CCDC178: variants seen among roughly 807,000 people sequenced by gnomAD.
CCDC178 encodes coiled-coil domain containing 178, also known as coiled-coil domain-containing protein 178.
A neutral mutation model predicts 117.4 loss-of-function variants in CCDC178; 126 were observed. The observed-to-expected ratio is 1.07, with a 90% CI of 0.93 to 1.24. The LOEUF is 1.24. Among genes scored for constraint, CCDC178 ranks in the 50% most tolerant of loss-of-function variants. The pLI is 0.00. For synonymous variants in CCDC178, 283 were observed against 313.4 expected, an observed-to-expected ratio of 0.90 and a Z score of 1.02; for missense variants, 1,030 against 986.9, an observed-to-expected ratio of 1.04 and a Z score of -0.59.
At position 33,052,881 on chromosome 18, in the gene CCDC178, T is replaced by C. The variant is rs116799388; in HGVS notation, c.2388+39880A>G. 3.9e-3 allele frequency among the ~76,000 whole-genome samples: 591 copies of C among 152,298 alleles called. 6 individuals are homozygous for C. Among genetic ancestry groups the C allele is most frequent in the African/African-American group, 0.013 (547 of 41,564 alleles). On this transcript the variant is annotated intron_variant, in intron 21 of 22. Coordinates refer to ENST00000383096, the MANE Select transcript of CCDC178 (RefSeq NM_001105528.4). ...GCTGATAAGTTTGAAATTCCTGATA[T>C]TGGTAAGTCATTTCTTCATCTTCAG...
rs1190638875 is a variant in CCDC178, at chr18:33,139,330, G to C, written c.2239-46420C>G. Among the ~76,000 whole-genome samples the C allele has an allele frequency of 2.0e-5, 3 of 152,344 alleles. No individual in the cohort carries two copies. The East Asian group carries it at 5.8e-4, about 29-fold the overall frequency. ...CTGAAAAGATACCCAAAATGTGGCA[G>C]CGACTTTGGAACTGGGTAACAGGCT... On this transcript the variant is annotated intron_variant, in intron 20 of 22. Transcript: ENST00000383096.
At chr18:33,335,733 C>T (rs572772524) in intron 9 of CCDC178, among the ~76,000 whole-genome samples, 11 of 151,934 alleles carry the variant, frequency 7.2e-5, no homozygotes, top group Admixed American at 2.0e-4. Context: ...CTTGTCCTTG[C>T]TTTTATTTTT....
intron 21 of CCDC178, among the ~76,000 whole-genome samples, chr18:32,998,491 A>T (rs2055564380): frequency 6.6e-6 from 1 of 152,288 alleles, no homozygotes; most frequent in South Asian, 2.1e-4. Flanking sequence ...TAGGGACACC[A>T]GCTGGAGCAG....
chr18:33,043,225 ATCT>A (rs2056582163), intron 21 of CCDC178, among the ~76,000 whole-genome samples: 1 of 152,060 alleles, frequency 6.6e-6, no homozygotes, highest in Non-Finnish European at 1.5e-5. Context: ...AGTAATAGAT[ATCT>A]TCTATTTCAG....
At chr18:33,164,013 T>C (rs2058497099) in intron 20 of CCDC178, among the ~76,000 whole-genome samples, 1 of 152,092 alleles carries the variant, frequency 6.6e-6, no homozygotes, top group Admixed American at 6.6e-5. Flanking sequence ...TATAGAAATA[T>C]CTGTGAACTA....
intron 20 of CCDC178, among the ~76,000 whole-genome samples, chr18:33,116,494 C>A (rs552979608): frequency 2.6e-5 from 4 of 152,104 alleles, no homozygotes; most frequent in Non-Finnish European, 5.9e-5. Context: ...TCTGGCATGG[C>A]CCAGCTGGGT....
chr18:32,988,806 CATA>C (rs1045720823), intron 21 of CCDC178, among the ~76,000 whole-genome samples: 2 of 151,692 alleles, frequency 1.3e-5, no homozygotes, highest in African/African-American at 2.4e-5. Context: ...AATTGATAAA[CATA>C]GTAGAAATTA....
chr18:32,946,921 C>A (rs575716282), intron 22 of CCDC178, among the ~76,000 whole-genome samples: 49 of 151,630 alleles, frequency 3.2e-4, no homozygotes, highest in African/African-American at 1.1e-3. Flanking sequence ...CTGGGACTAC[C>A]GGCACGCACC....
At chr18:33,004,970 G>A (rs2055717937) in intron 21 of CCDC178, among the ~76,000 whole-genome samples, 1 of 152,074 alleles carries the variant, frequency 6.6e-6, no homozygotes, top group African/African-American at 2.4e-5. Flanking sequence ...AATAACAACT[G>A]CTGGCGAGGA....
intron 20 of CCDC178, among the ~76,000 whole-genome samples, chr18:33,119,427 T>C (rs1233123891): frequency 6.6e-6 from 1 of 152,022 alleles, no homozygotes; most frequent in Admixed American, 6.5e-5. Flanking sequence ...AACAGACACA[T>C]GAAAAAATGC....
chr18:33,256,292 A>AG (rs113488871), intron 14 of CCDC178, among the ~76,000 whole-genome samples: 10,224 of 152,104 alleles, frequency 0.067, 506 homozygotes, highest in African/African-American at 0.14. Flanking sequence ...AAGATAAGGA[A>AG]GAAAAAAGAT....
chr18:33,373,672 G>A (rs1017947900), intron 5 of CCDC178, among the ~76,000 whole-genome samples: 28 of 152,116 alleles, frequency 1.8e-4, no homozygotes, highest in African/African-American at 6.8e-4. Context: ...GCACTCTGCT[G>A]TTATCACATT....
Position 33,107,707 on chromosome 18 carries a change from A to G in CCDC178, c.2239-14797T>C, listed in dbSNP as rs115134549. ...TTTTAAATGGTCAGCATTATTTCTTATAATTTGCTATGCTATGTATTTTAT... is the reference window on the plus strand; with the variant it reads ...TTTTAAATGGTCAGCATTATTTCTTGTAATTTGCTATGCTATGTATTTTAT... On this transcript the variant is annotated intron_variant, in intron 20 of 22. Coordinates refer to ENST00000383096, the MANE Select transcript of CCDC178 (RefSeq NM_001105528.4). Among the ~76,000 whole-genome samples the G allele has an allele frequency of 9.2e-3, 1,399 of 151,632 alleles. 14 individuals are homozygous for G. Among genetic ancestry groups the G allele is most frequent in the African/African-American group, 0.018 (740 of 41,432 alleles).
intron 21 of CCDC178, among the ~76,000 whole-genome samples, chr18:33,046,773 T>C (rs1015013434): frequency 1.7e-4 from 26 of 152,116 alleles, no homozygotes; most frequent in African/African-American, 5.8e-4. Context: ...GTCAGATGAA[T>C]AGGACCTGAT....
chr18:33,286,535 C>T (rs2060100732), intron 12 of CCDC178, among the ~76,000 whole-genome samples: 1 of 151,998 alleles, frequency 6.6e-6, no homozygotes, highest in Non-Finnish European at 1.5e-5. Context: ...ATTTTCGAGG[C>T]AAATGTATGA....
intron 11 of CCDC178, among the ~76,000 whole-genome samples, chr18:33,299,502 A>AACACACACACACACACACAC (rs71159812): frequency 2.7e-5 from 4 of 146,180 alleles, no homozygotes; most frequent in African/African-American, 1.0e-4. Context: ...AACTAGTATA[A>AACACACACACACACACACAC]ACACACACAC....
intron 20 of CCDC178, among the ~76,000 whole-genome samples, chr18:33,108,801 G>A (rs2057741117): frequency 6.6e-6 from 1 of 151,582 alleles, no homozygotes; most frequent in African/African-American, 2.4e-5. Flanking sequence ...TTTAAAAAAA[G>A]TGTGTACTTT....
chr18:33,314,996 T>C lies in CCDC178; in HGVS notation c.1022+8495A>G, dbSNP rs887892775. ...CACCGAATCCCCAGAGAAGTCAAAA[T>C]GTTTAATGGTTTCCTGTCCCCCTCT... On this transcript the variant is annotated intron_variant, in intron 11 of 22. Transcript: ENST00000383096. 4.6e-5 allele frequency among the ~76,000 whole-genome samples: 7 copies of C among 152,154 alleles called. 1 individual carries two copies. The highest frequency in any genetic ancestry group is 1.7e-4 in the African/African-American group (7 of 41,432).
At chr18:33,240,845 T>G (rs551614953) in intron 15 of CCDC178, among the ~76,000 whole-genome samples, 1 of 151,928 alleles carries the variant, frequency 6.6e-6, no homozygotes, top group African/African-American at 2.4e-5. Flanking sequence ...TCTTCCTAGG[T>G]CATTCTATGA....
Sources: allele counts gnomAD v4.1 joint callset (sites outside exome capture counted in the v4.1 genomes callset), GRCh38; gene constraint gnomAD v4.1.1; transcripts MANE v1.5; gene names NCBI Gene and HGNC (gene_info 2026-07-23, HGNC 2026-07-21).